Variants in WDR17 observed in about 807,000 individuals in gnomAD.
WDR17 encodes WD repeat-containing protein 17.
In WDR17, 143 loss-of-function variants were observed where a neutral mutation model predicts 161.7. That is an observed-to-expected ratio of 0.88 (90% CI 0.77 to 1.02). WDR17 has a LOEUF of 1.02. Among genes scored for constraint, WDR17 ranks in the 50% least tolerant of loss-of-function variants. The pLI, the probability that WDR17 is intolerant of heterozygous loss-of-function variation, is 0.00. For synonymous variants in WDR17, 517 were observed against 515.6 expected (o/e 1.00, Z -0.04); for missense variants, 1,469 against 1,520.9 (o/e 0.97, Z 0.57).
chr4:176,149,856 T>A lies in WDR17; in HGVS notation c.1947T>A (p.Arg649=). 1 of 1,614,096 alleles carries A rather than the reference T, an allele frequency of 6.2e-7. No homozygotes were observed. The highest frequency in any genetic ancestry group is 8.5e-7 in the Non-Finnish European group (1 of 1,180,012). ...SRPFTMASCS[R]DSTVRLWSLT... ...CCTTCACTATGGCCTCTTGCTCCCG[T>A]GACTCTACAGTGAGACTCTGGTCAT... Residue 649 remains arginine, a synonymous_variant, in exon 14 of 29, where the codon CGT becomes CGA. Transcript: ENST00000508596.
Position 176,177,468 on chromosome 4 carries a change from T to C in WDR17, c.3549-3T>C, listed in dbSNP as rs958330383. 26 of 1,534,188 alleles carry C rather than the reference T, an allele frequency of 1.7e-5. No homozygotes were observed. The highest frequency in any genetic ancestry group is 2.4e-5 in the Admixed American group (1 of 42,124). ...GAAATTTTGATATCTGTTGAAAATATAGATCATTAGAAGACTCTCCGTATA... is the reference window on the plus strand; with the variant it reads ...GAAATTTTGATATCTGTTGAAAATACAGATCATTAGAAGACTCTCCGTATA... On this transcript the variant is annotated splice_polypyrimidine_tract_variant and splice_region_variant and intron_variant, in intron 27 of 28. Transcript: ENST00000508596.
intron 4 of WDR17, among the ~76,000 whole-genome samples, chr4:176,121,108 G>A (rs79127475): frequency 0.012 from 1,773 of 152,136 alleles, 18 homozygotes; most frequent in Non-Finnish European, 0.019. Flanking sequence ...TGTTCCTTCT[G>A]GTTGTACCAG....
chr4:176,168,760 G>A lies in WDR17; in HGVS notation c.3079G>A (p.Glu1027Lys), dbSNP rs764293461. Residue 1027 changes from glutamate (E) to lysine (K), a missense_variant, in exon 23 of 29, where the codon GAG becomes AAG. By Grantham distance (56) the Glu-to-Lys change is moderately conservative (BLOSUM62 1). Transcript: ENST00000508596. ...TGCTTTCTACCCAGGATGTACTGAA[G>A]AGATAAATGACCTTCATGATAAGGT... ...LCAFYPGCTEEINDLHDKCKL... is the reference protein window; with the variant it reads ...LCAFYPGCTEKINDLHDKCKL... 6.2e-7 allele frequency: 1 copy of A among 1,612,108 alleles called. No homozygotes were observed. Among genetic ancestry groups the A allele is most frequent in the East Asian group, 2.2e-5 (1 of 44,722 alleles).
intron 1 of WDR17, among the ~76,000 whole-genome samples, chr4:176,092,559 A>G (rs1232881224): frequency 6.6e-6 from 1 of 152,206 alleles, no homozygotes; most frequent in Non-Finnish European, 1.5e-5. Context: ...AGAAAGGGAT[A>G]AACGGCATCC....
At chr4:176,175,795 G>A (rs919741464) in intron 26 of WDR17, among the ~76,000 whole-genome samples, 2 of 152,052 alleles carry the variant, frequency 1.3e-5, no homozygotes, top group African/African-American at 2.4e-5. Context: ...TCCTGACCTC[G>A]TGATCTGCCT....
intron 22 of WDR17, among the ~76,000 whole-genome samples, chr4:176,163,958 ATACT>A (rs1479645408): frequency 6.6e-6 from 1 of 152,186 alleles, no homozygotes; most frequent in East Asian, 1.9e-4. Flanking sequence ...TTTCTCTCAA[ATACT>A]TAGGATCTCA....
chr4:176,124,227 T>C (rs544272872), intron 4 of WDR17, among the ~76,000 whole-genome samples: 1 of 152,356 alleles, frequency 6.6e-6, no homozygotes, highest in South Asian at 2.1e-4. Flanking sequence ...AACTAGATGC[T>C]TCACTGCCTC....
intron 1 of WDR17, among the ~76,000 whole-genome samples, chr4:176,093,259 A>G (rs1451533940): frequency 2.0e-5 from 3 of 151,738 alleles, no homozygotes; most frequent in Non-Finnish European, 4.4e-5. Flanking sequence ...TGTCTGTACT[A>G]CCCAAAACAA....
chr4:176,158,819 G>C (rs1748556057), intron 18 of WDR17, among the ~76,000 whole-genome samples: 1 of 152,184 alleles, frequency 6.6e-6, no homozygotes, highest in Non-Finnish European at 1.5e-5. Flanking sequence ...GTAGCTGCCA[G>C]AAAGTGGTCT....
intron 22 of WDR17, among the ~76,000 whole-genome samples, chr4:176,165,006 G>A (rs1396452042): frequency 1.4e-5 from 2 of 146,776 alleles, no homozygotes; most frequent in South Asian, 2.2e-4. Flanking sequence ...GATGAAAGGG[G>A]ATTTGTTTTT....
intron 2 of WDR17, among the ~76,000 whole-genome samples, chr4:176,112,714 C>T (rs1483578601): frequency 2.0e-5 from 3 of 152,106 alleles, no homozygotes; most frequent in Admixed American, 6.6e-5. Context: ...ATAAAATGGA[C>T]TGCCTCTCTG....
chr4:176,144,519 A>G (rs558263093), intron 11 of WDR17, among the ~76,000 whole-genome samples: 2 of 152,286 alleles, frequency 1.3e-5, no homozygotes, highest in South Asian at 4.1e-4. Context: ...CCATATTCCT[A>G]TTTCTCTGTT....
At chr4:176,133,541 C>T (rs1339641528) in intron 7 of WDR17, among the ~76,000 whole-genome samples, 1 of 151,090 alleles carries the variant, frequency 6.6e-6, no homozygotes, top group Admixed American at 6.6e-5. Flanking sequence ...TACTAAAAGC[C>T]GCTTGATTAT....
intron 18 of WDR17, among the ~76,000 whole-genome samples, chr4:176,157,028 A>G (rs925651145): frequency 6.6e-6 from 1 of 152,034 alleles, no homozygotes; most frequent in Non-Finnish European, 1.5e-5. Context: ...AACTAATTAC[A>G]TCGGCTAAGA....
At chr4:176,137,479 G>A (rs1227909606) in intron 8 of WDR17, 41 bp from the exon 9 acceptor site, 3 of 1,484,034 alleles carry the variant, frequency 2.0e-6, no homozygotes, top group Middle Eastern at 1.8e-4. Context: ...TTACATTTGT[G>A]GGAAACATTT....
chr4:176,084,621 TTTAA>T (rs1337138778), intron 1 of WDR17, among the ~76,000 whole-genome samples: 1 of 151,880 alleles, frequency 6.6e-6, no homozygotes, highest in Non-Finnish European at 1.5e-5. Flanking sequence ...TTGTGTCCTA[TTTAA>T]TGAGTCTTTT....
chr4:176,067,646 TA>T (rs10710521), intron 1 of WDR17, among the ~76,000 whole-genome samples: 85,638 of 152,004 alleles, frequency 0.56, 24,843 homozygotes, highest in Non-Finnish European at 0.63. Flanking sequence ...ATTAGTCACA[TA>T]AATAATTCCA....
chr4:176,068,992 A>C (rs911636322), intron 1 of WDR17, among the ~76,000 whole-genome samples: 1 of 152,238 alleles, frequency 6.6e-6, no homozygotes, highest in African/African-American at 2.4e-5. Context: ...TCAGCTTTGT[A>C]TAGTAAAAGA....
chr4:176,169,386 T>C (rs1750366502), intron 23 of WDR17, among the ~76,000 whole-genome samples: 1 of 152,136 alleles, frequency 6.6e-6, no homozygotes. Flanking sequence ...GTGCTATTAA[T>C]CCATTAAAAA....
Sources: gnomAD v4.1 joint callset for allele counts (sites outside exome capture counted in the v4.1 genomes callset) on GRCh38, gnomAD v4.1.1 for gene constraint, MANE v1.5 for transcripts, NCBI Gene and HGNC (gene_info 2026-07-23, HGNC 2026-07-21) for gene names.